Variants in VIPR2 observed in about 807,000 individuals in gnomAD.
The protein encoded by VIPR2 is vasoactive intestinal polypeptide receptor 2.
Under a neutral mutation model 58.0 loss-of-function variants are expected in VIPR2, and 48 were observed. The ratio of observed to expected loss-of-function variants is 0.83; its 90% CI spans 0.66 to 1.05. The LOEUF is 1.05. Among genes scored for constraint, VIPR2 ranks in the 50% least tolerant of loss-of-function variants. VIPR2 has a pLI of 0.00. For missense variants in VIPR2, 534 were observed against 558.0 expected, an observed-to-expected ratio of 0.96 and a Z score of 0.43; for synonymous variants, 243 against 235.2, an observed-to-expected ratio of 1.03 and a Z score of -0.30.
At chr7:159,113,725 C>T (rs557885463) in intron 2 of VIPR2, among the ~76,000 whole-genome samples, 1 of 152,166 alleles carries the variant, frequency 6.6e-6, no homozygotes, top group South Asian at 2.1e-4. Context: ...CAATGATGTA[C>T]ACCAGCAATG....
chr7:159,107,078 C>T (rs1795782631), intron 3 of VIPR2, among the ~76,000 whole-genome samples: 1 of 152,118 alleles, frequency 6.6e-6, no homozygotes, highest in African/African-American at 2.4e-5. Context: ...TGAAGGCCTC[C>T]CTTAGGGCTT....
intron 5 of VIPR2, among the ~76,000 whole-genome samples, chr7:159,048,209 G>T (rs559064658): frequency 4.1e-4 from 63 of 152,254 alleles, no homozygotes; most frequent in African/African-American, 1.4e-3. Context: ...TTGCCCCTTG[G>T]AATTTGACAT....
chr7:159,037,325 CAGG>C (rs1176319180), intron 6 of VIPR2, among the ~76,000 whole-genome samples: 3 of 152,328 alleles, frequency 2.0e-5, no homozygotes, highest in Admixed American at 6.5e-5. Flanking sequence ...GAAGAGCCGG[CAGG>C]AGGTCATGTG....
chr7:159,068,604 C>T (rs1235212549), intron 4 of VIPR2, among the ~76,000 whole-genome samples: 1 of 152,222 alleles, frequency 6.6e-6, no homozygotes, highest in East Asian at 1.9e-4. Flanking sequence ...CTGCCGGGGC[C>T]AGGACAGGCC....
chr7:159,084,150 C>T (rs1857050651), intron 4 of VIPR2, among the ~76,000 whole-genome samples: 2 of 152,268 alleles, frequency 1.3e-5, no homozygotes. Context: ...CATCAGTACT[C>T]AGACAGCTTC....
At position 159,028,354 on chromosome 7, in the gene VIPR2, A is replaced by C. The variant is rs1853350036; in HGVS notation, c.*2262T>G. On this transcript the variant is annotated 3_prime_UTR_variant, in exon 13 of 13. Transcript: ENST00000262178. ...GCCGGCCCCTCTACCAGGAGAAACC[A>C]GTCAGCTCCGCTGAACAGTGGCACA... 1 of 153,330 alleles carries C rather than the reference A, an allele frequency of 6.5e-6. No homozygotes were observed. The highest frequency in any genetic ancestry group is 1.5e-5 in the Non-Finnish European group (1 of 68,748). 9.5% of individuals were successfully genotyped at this position (153,330 alleles called of 1,614,324 possible).
Position 159,034,728 on chromosome 7 carries a change from C to T in VIPR2, c.810-78G>A, listed in dbSNP as rs182279904. On this transcript the variant is annotated intron_variant, in intron 8 of 12. Coordinates refer to ENST00000262178, the MANE Select transcript of VIPR2 (RefSeq NM_003382.5). ...GGTACAGAAGAATGAGCGCCTGCCC[C>T]TCCCAACTTGCCCACTCCCCTCACC... 1,402 of 1,217,046 alleles carry T rather than the reference C, an allele frequency of 1.2e-3. 3 individuals are homozygous for T. The highest frequency in any genetic ancestry group is 7.7e-3 in the Middle Eastern group (38 of 4,962). The allele number at this position is 1,217,046 out of a possible 1,614,324, so 75.4% of individuals were successfully genotyped here.
At chr7:159,072,582 C>T (rs1392507183) in intron 4 of VIPR2, among the ~76,000 whole-genome samples, 2 of 152,234 alleles carry the variant, frequency 1.3e-5, no homozygotes, top group South Asian at 2.1e-4. Flanking sequence ...AGCACAAAAA[C>T]GAAAGACACA....
intron 2 of VIPR2, among the ~76,000 whole-genome samples, chr7:159,135,109 A>G (rs1304174493): frequency 7.0e-6 from 1 of 141,852 alleles, no homozygotes; most frequent in Non-Finnish European, 1.5e-5. Flanking sequence ...TGCTGTCTCT[A>G]GTCTTTGATT....
intron 2 of VIPR2, among the ~76,000 whole-genome samples, chr7:159,113,800 GGAGA>G (rs1796134395): frequency 6.6e-6 from 1 of 152,328 alleles, no homozygotes; most frequent in Admixed American, 6.5e-5. Context: ...GAATGGCACA[GGAGA>G]GATAGATCTT....
At position 159,127,699 on chromosome 7, in the gene VIPR2, G is replaced by C. The variant is rs1796706779; in HGVS notation, c.151+14747C>G. On this transcript the variant is annotated intron_variant, in intron 2 of 12. Transcript: ENST00000262178. This position sits in a 1 kb window ranked among gnomAD's most constrained non-coding sequence, Gnocchi z 4.6. ...GCATGTGGGCATCAGGAAAATGGAT[G>C]TGTGCTAATTCATCTGCAAAATACC... is the stretch of plus-strand genomic sequence containing the variant. Among the ~76,000 whole-genome samples the C allele has an allele frequency of 6.6e-6, 1 of 152,220 alleles. No individual in the cohort carries two copies. Among genetic ancestry groups the C allele is most frequent in the Non-Finnish European group, 1.5e-5 (1 of 68,040 alleles).
chr7:159,136,980 G>A (rs1797255446), intron 2 of VIPR2, among the ~76,000 whole-genome samples: 1 of 152,080 alleles, frequency 6.6e-6, no homozygotes, highest in Non-Finnish European at 1.5e-5. Context: ...ATCAAGGGAG[G>A]GGAGTGGAGA....
intron 1 of VIPR2, chr7:159,144,454 T>A: frequency 6.5e-7 from 1 of 1,542,856 alleles, no homozygotes; most frequent in Non-Finnish European, 8.7e-7. Flanking sequence ...AACGATCCCG[T>A]TTCCAGCAAA....
At position 159,101,320 on chromosome 7, in the gene VIPR2, G is replaced by A. The variant is rs561431606; in HGVS notation, c.357+2437C>T. Among the ~76,000 whole-genome samples, 434 of 148,274 alleles carry A rather than the reference G, an allele frequency of 2.9e-3. 2 individuals are homozygous for A. Among genetic ancestry groups the A allele is most frequent in the African/African-American group, 0.01 (399 of 39,308 alleles). On this transcript the variant is annotated intron_variant, in intron 4 of 12. Transcript: ENST00000262178. ...ATAGTGAACGGGTCTCACGAGATCC[G>A]ACGAGGCGGTTCCCCTGACTGTTCC...
In VIPR2 at chr7:159,097,427, C is replaced by T. The variant is rs1012849517; in HGVS notation, c.357+6330G>A. On this transcript the variant is annotated intron_variant, in intron 4 of 12. Coordinates refer to ENST00000262178, the MANE Select transcript of VIPR2 (RefSeq NM_003382.5). The surrounding 1 kb of genome is among the most constrained non-coding windows in gnomAD (Gnocchi z 5.3). ...GAAGACTTACGGGAGCCGGCCCCCT[C>T]GCGTGCCCACCACGGTGTGCTGCTG... is the stretch of plus-strand genomic sequence containing the variant. 5.9e-5 allele frequency among the ~76,000 whole-genome samples: 9 copies of T among 152,166 alleles called. No homozygotes were observed. The highest frequency in any genetic ancestry group is 1.4e-4 in the African/African-American group (6 of 41,454).
At chr7:159,115,872 C>A (rs542512216) in intron 2 of VIPR2, among the ~76,000 whole-genome samples, 1 of 152,372 alleles carries the variant, frequency 6.6e-6, no homozygotes, top group Non-Finnish European at 1.5e-5. Flanking sequence ...CCTAAGCACT[C>A]AAGTCAGCTT....
chr7:159,103,913 G>T (rs1271207454), intron 3 of VIPR2, 59 bp from the exon 4 acceptor site: 9 of 1,459,998 alleles, frequency 6.2e-6, no homozygotes, highest in Non-Finnish European at 7.7e-6. Context: ...CCTTAGAAGG[G>T]ACCTTAGTCC....
At chr7:159,046,529 G>A (rs1854660685) in intron 5 of VIPR2, among the ~76,000 whole-genome samples, 1 of 151,402 alleles carries the variant, frequency 6.6e-6, no homozygotes, top group African/African-American at 2.4e-5. Flanking sequence ...AGGAGCCGGA[G>A]GGTATGGGGA....
chr7:159,063,568 A>C (rs1045105626), intron 4 of VIPR2, among the ~76,000 whole-genome samples: 1 of 151,472 alleles, frequency 6.6e-6, no homozygotes, highest in Non-Finnish European at 1.5e-5. Flanking sequence ...CATCCCAGAA[A>C]CGGGCTCCCA....
Sources: gnomAD v4.1 joint callset for allele counts (sites outside exome capture counted in the v4.1 genomes callset) on GRCh38, gnomAD v4.1.1 for gene constraint, Gnocchi (gnomAD v3.1) non-coding constraint, MANE v1.5 for transcripts, NCBI Gene and HGNC (gene_info 2026-07-23, HGNC 2026-07-21) for gene names.